Variants in TECPR2 observed in about 807,000 individuals in gnomAD.
The protein encoded by TECPR2 is tectonin beta-propeller repeat-containing protein 2.
In TECPR2, 65 loss-of-function variants were observed where a neutral mutation model predicts 138.1. The observed-to-expected ratio is 0.47, with a 90% CI of 0.39 to 0.58. The LOEUF (loss-of-function observed/expected upper bound fraction) is 0.58. Ranked by LOEUF, TECPR2 falls within the 20% of genes least tolerant of loss-of-function variation. TECPR2 has a pLI of 0.00. For synonymous variants in TECPR2, 746 were observed against 749.8 expected, an observed-to-expected ratio of 0.99 and a Z score of 0.08; for missense variants, 1,553 against 1,824.5, an observed-to-expected ratio of 0.85 and a Z score of 2.71.
chr14:102,428,284 T>C lies in TECPR2; in HGVS notation c.986T>C (p.Ile329Thr), dbSNP rs778174046. 8 of 1,609,964 alleles carry C rather than the reference T, an allele frequency of 5.0e-6. No homozygotes were observed. The highest frequency in any genetic ancestry group is 5.9e-6 in the Non-Finnish European group (7 of 1,178,476). Residue 329 changes from isoleucine to threonine, a missense_variant, in exon 7 of 20, where the codon ATT becomes ACT. Transcript: ENST00000359520. ...GCTGGTTTGGAAGGATCCGGTGATATTGTGTCTGTTTCGTGCACAGAAAAT... is the reference window on the plus strand; with the variant it reads ...GCTGGTTTGGAAGGATCCGGTGATACTGTGTCTGTTTCGTGCACAGAAAAT... ...TVAGLEGSGD[I>T]VSVSCTENEI...
chr14:102,500,226 C>T lies in TECPR2; in HGVS notation c.*1969C>T, dbSNP rs1891407138. ...CTGTGAGAAGTGTCCTCAGCCGACA[C>T]TCACGAGGGCAGTGCAAGGGAGAAC... On this transcript the variant is annotated 3_prime_UTR_variant, in exon 20 of 20. Coordinates refer to ENST00000359520, the MANE Select transcript of TECPR2 (RefSeq NM_014844.5). 6.6e-6 allele frequency: 1 copy of T among 152,498 alleles called. No homozygotes were observed. Among genetic ancestry groups the T allele is most frequent in the Non-Finnish European group, 1.5e-5 (1 of 68,060 alleles). 9.4% of individuals were successfully genotyped at this position (152,498 alleles called of 1,614,324 possible).
chr14:102,436,859 G>A lies in TECPR2; in HGVS notation c.2395-1163G>A, dbSNP rs80165004. On this transcript the variant is annotated intron_variant, in intron 9 of 19. Coordinates refer to ENST00000359520, the MANE Select transcript of TECPR2 (RefSeq NM_014844.5). The stretch of plus-strand genomic sequence containing the variant: ...AGCAAAGTACAGGGCTGCAGGAAGC[G>A]CAAGCAGCATGGCCCCCTAATGTCT... Among the ~76,000 whole-genome samples the A allele has an allele frequency of 5.9e-3, 903 of 152,342 alleles. 13 individuals carry two copies. Among genetic ancestry groups the A allele is most frequent in the African/African-American group, 0.021 (869 of 41,566 alleles).
intron 17 of TECPR2, among the ~76,000 whole-genome samples, chr14:102,494,824 CA>C (rs527379957): frequency 0.013 from 848 of 64,060 alleles, 7 homozygotes; most frequent in African/African-American, 0.035. Flanking sequence ...AACTCCGTCT[CA>C]AAAAAAAAAA....
chr14:102,391,756 GGT>G (rs1272152681), intron 2 of TECPR2, among the ~76,000 whole-genome samples: 2 of 152,024 alleles, frequency 1.3e-5, no homozygotes, highest in Non-Finnish European at 2.9e-5. Flanking sequence ...ACTATACATG[GGT>G]GTCAGTGCCA....
rs1006380087 is a variant in TECPR2 at position 102,445,266 on chromosome 14, G to T, written c.2934-540G>T. Among the ~76,000 whole-genome samples, 38 of 152,370 alleles carry T rather than the reference G, an allele frequency of 2.5e-4. 1 individual carries two copies. Among genetic ancestry groups the T allele is most frequent in the Non-Finnish European group, 2.9e-4 (20 of 68,040 alleles). ...GTCTCCAGCAAAGAGGGCAGTGTCT[G>T]CCTAGGTCCAGCTGCACAGAATAGC... On this transcript the variant is annotated intron_variant, in intron 12 of 19. Transcript: ENST00000359520.
chr14:102,431,798 A>G lies in TECPR2; in HGVS notation c.1087A>G (p.Arg363Gly). ...SRPEGLTSTVRDGLEMSGCSE... is the reference protein window; with the variant it reads ...SRPEGLTSTVGDGLEMSGCSE... ...AAAACCAGACTCTTCTTTCTTAGTG[A>G]GAGATGGTCTGGAGATGTCTGGATG... Residue 363 changes from arginine to glycine, a missense_variant and splice_region_variant, in exon 8 of 20, where the codon AGA becomes GGA. Arg to Gly is a moderately radical substitution (Grantham distance 125). Coordinates refer to ENST00000359520, the MANE Select transcript of TECPR2 (RefSeq NM_014844.5). The G allele has an allele frequency of 6.5e-7, 1 of 1,550,114 alleles. No individual in the cohort carries two copies.
intron 2 of TECPR2, among the ~76,000 whole-genome samples, chr14:102,382,784 G>A (rs1158654449): frequency 6.6e-6 from 1 of 151,418 alleles, no homozygotes; most frequent in Non-Finnish European, 1.5e-5. Flanking sequence ...TCGAGACGGA[G>A]TTTTGCTCTT....
At chr14:102,489,908 C>A (rs1050558131) in intron 17 of TECPR2, among the ~76,000 whole-genome samples, 1 of 151,900 alleles carries the variant, frequency 6.6e-6, no homozygotes, top group African/African-American at 2.4e-5. Flanking sequence ...GCCGGGAGTT[C>A]TTTTGCCTCC....
Position 102,463,759 on chromosome 14 carries a change from A to G in TECPR2, c.3641-1382A>G, listed in dbSNP as rs137949172. The stretch of plus-strand genomic sequence containing the variant: ...GCCGACATGATTAAACTCCATCTCT[A>G]CTAAAAATACAAAAATTAGCTGGGC... On this transcript the variant is annotated intron_variant, in intron 16 of 19. Coordinates refer to ENST00000359520, the MANE Select transcript of TECPR2 (RefSeq NM_014844.5). Among the ~76,000 whole-genome samples the G allele has an allele frequency of 2.7e-3, 404 of 152,014 alleles. 1 individual carries two copies. Among genetic ancestry groups the G allele is most frequent in the South Asian group, 3.9e-3 (19 of 4,812 alleles).
chr14:102,475,825 A>G (rs576680178), intron 17 of TECPR2, among the ~76,000 whole-genome samples: 2 of 152,226 alleles, frequency 1.3e-5, no homozygotes, highest in Non-Finnish European at 2.9e-5. Context: ...GGTAAAATTC[A>G]TAGACAGGAC....
intron 17 of TECPR2, among the ~76,000 whole-genome samples, chr14:102,487,723 A>C (rs914762409): frequency 6.8e-6 from 1 of 146,658 alleles, no homozygotes; most frequent in Non-Finnish European, 1.5e-5. Flanking sequence ...TTGTATTTTT[A>C]GTAGAGACGG....
At chr14:102,408,347 G>T in intron 3 of TECPR2, 141 bp from the exon 4 acceptor site, 2 of 865,796 alleles carry the variant, frequency 2.3e-6, no homozygotes, top group Non-Finnish European at 3.4e-6. Flanking sequence ...GGAACTTTGT[G>T]CAGGGTTCTG....
At chr14:102,409,839 CT>C (rs1888773647) in intron 4 of TECPR2, among the ~76,000 whole-genome samples, 1 of 151,568 alleles carries the variant, frequency 6.6e-6, no homozygotes, top group Non-Finnish European at 1.5e-5. Flanking sequence ...GAGTCTCGCT[CT>C]GTTGCCCAGG....
At position 102,434,274 on chromosome 14, in the gene TECPR2, C is replaced by T. The variant is rs150926328; in HGVS notation, c.1457C>T (p.Ser486Leu). Residue 486 changes from serine (S) to leucine (L), a missense_variant, in exon 9 of 20, where the codon TCG becomes TTG. By Grantham distance (145) the Ser-to-Leu change is moderately radical. Coordinates refer to ENST00000359520, the MANE Select transcript of TECPR2 (RefSeq NM_014844.5). The part of the protein sequence containing the change: ...SRSTCHSSLE[S>L]TPCSEFPGDS... ...AGCACCTGTCACAGCTCCCTGGAAT[C>T]GACACCCTGCTCCGAATTTCCTGGG... 19 of 1,386,580 alleles carry T rather than the reference C, an allele frequency of 1.4e-5. No individual in the cohort carries two copies. The highest frequency in any genetic ancestry group is 1.3e-4 in the African/African-American group (9 of 69,416). 85.9% of individuals were successfully genotyped at this position (1,386,580 alleles called of 1,614,324 possible).
intron 10 of TECPR2, 29 bp downstream of exon 10, chr14:102,438,234 C>CCCTGCTCCCGCTCGCCGCT: frequency 6.3e-7 from 1 of 1,581,872 alleles, no homozygotes; most frequent in African/African-American, 1.3e-5. Flanking sequence ...TGCTCCCGCT[C>CCCTGCTCCCGCTCGCCGCT]CCTGCTCCCG....
chr14:102,452,818 C>T (rs1567348890), intron 16 of TECPR2, among the ~76,000 whole-genome samples, 191 bp downstream of exon 16: 2 of 152,162 alleles, frequency 1.3e-5, no homozygotes, highest in Admixed American at 6.5e-5. Flanking sequence ...GGTTTTGTCC[C>T]TTCCCCTGCC....
Position 102,450,590 on chromosome 14 carries a change from G to T in TECPR2, c.3347G>T (p.Gly1116Val). 1 of 1,614,124 alleles carries T rather than the reference G, an allele frequency of 6.2e-7. No individual in the cohort carries two copies. The highest frequency in any genetic ancestry group is 8.5e-7 in the Non-Finnish European group (1 of 1,180,016). ...TACTGGAATCATGTGGTTCCCCGTGGGACAGCTTCTGCTACAAAATGGGCC... is the reference window on the plus strand; with the variant it reads ...TACTGGAATCATGTGGTTCCCCGTGTGACAGCTTCTGCTACAAAATGGGCC... Reference protein sequence around the residue: ...GTYWNHVVPRGTASATKWAFV... With the variant: ...GTYWNHVVPRVTASATKWAFV... The change falls in exon 15 of 20, where the codon GGG (glycine) becomes GTG (valine). Residue 1116 changes from glycine to valine, a missense_variant. Coordinates refer to ENST00000359520, the MANE Select transcript of TECPR2 (RefSeq NM_014844.5).
intron 13 of TECPR2, among the ~76,000 whole-genome samples, 191 bp from the exon 14 acceptor site, chr14:102,449,438 C>T (rs1422116573): frequency 1.3e-5 from 2 of 152,258 alleles, no homozygotes; most frequent in Admixed American, 6.5e-5. Flanking sequence ...TTAGCATTAG[C>T]AGTTTGATGG....
chr14:102,380,713 C>G (rs550143127), intron 2 of TECPR2, among the ~76,000 whole-genome samples: 2 of 152,350 alleles, frequency 1.3e-5, no homozygotes, highest in South Asian at 2.1e-4. Context: ...GAGTCTCGCT[C>G]TGTCGCCCAG....
Sources: gnomAD v4.1 joint callset for allele counts (sites outside exome capture counted in the v4.1 genomes callset) on GRCh38, gnomAD v4.1.1 for gene constraint, MANE v1.5 for transcripts, NCBI Gene and HGNC (gene_info 2026-07-23, HGNC 2026-07-21) for gene names.